Variants in TENM3 observed in about 807,000 individuals in gnomAD.
TENM3 encodes teneurin transmembrane protein 3.
A neutral mutation model predicts 255.1 loss-of-function variants in TENM3; 63 were observed. The ratio of observed to expected loss-of-function variants is 0.25; its 90% CI spans 0.20 to 0.30. The LOEUF (loss-of-function observed/expected upper bound fraction) is 0.30. TENM3 is among the 10% of genes least tolerant of loss of function. The probability of loss-of-function intolerance (pLI) is 1.00; values close to 1 mark genes in which losing one functional copy is unlikely to be tolerated. For synonymous variants in TENM3, 1,306 were observed against 1,322.3 expected (o/e 0.99, Z 0.27); for missense variants, 2,929 against 3,461.1 (o/e 0.85, Z 3.86).
Position 182,459,087 on chromosome 4 carries a change from T to G in TENM3, c.511+112158T>G, listed in dbSNP as rs573689631. On this transcript the variant is annotated intron_variant, in intron 3 of 27. Coordinates refer to ENST00000511685, the MANE Select transcript of TENM3 (RefSeq NM_001080477.4). ...CTTGTTATTATAGGCATTCCTCATTTTGATGAAATACCAATTTAACTAGTT... is the reference window on the plus strand; with the variant it reads ...CTTGTTATTATAGGCATTCCTCATTGTGATGAAATACCAATTTAACTAGTT... 3.3e-5 allele frequency among the ~76,000 whole-genome samples: 5 copies of G among 152,352 alleles called. No individual in the cohort carries two copies. The South Asian group carries it at 1.0e-3, about 32-fold the overall frequency.
the TENM3 span, among the ~76,000 whole-genome samples, chr4:181,510,223 T>C: frequency 6.6e-6 from 1 of 152,366 alleles, no homozygotes; most frequent in South Asian, 2.1e-4. Context: ...GAAAATATTT[T>C]TGAATTATTT....
At chr4:182,308,763 G>A (rs964805837) in intron 1 of TENM3, among the ~76,000 whole-genome samples, 6 of 152,092 alleles carry the variant, frequency 3.9e-5, no homozygotes, top group Non-Finnish European at 7.4e-5. Context: ...CATAATATTT[G>A]AGTGTATTGT....
the TENM3 span, among the ~76,000 whole-genome samples, chr4:181,558,204 A>G: frequency 6.6e-6 from 1 of 152,222 alleles, no homozygotes; most frequent in Admixed American, 6.5e-5. Flanking sequence ...GCCTCAGACA[A>G]GAGTCTCACT....
the TENM3 span, among the ~76,000 whole-genome samples, chr4:181,822,163 C>A: frequency 6.6e-6 from 1 of 152,030 alleles, no homozygotes; most frequent in East Asian, 1.9e-4. Context: ...TCCCTCACAC[C>A]CCCCCACTTC....
chr4:181,735,679 G>C, the TENM3 span, among the ~76,000 whole-genome samples: 1 of 151,800 alleles, frequency 6.6e-6, no homozygotes, highest in Non-Finnish European at 1.5e-5. Flanking sequence ...TAAATAAATA[G>C]ATTTTACACA....
chr4:182,608,716 A>G (rs1024915115), intron 4 of TENM3, among the ~76,000 whole-genome samples: 14 of 152,184 alleles, frequency 9.2e-5, no homozygotes, highest in African/African-American at 3.4e-4. Flanking sequence ...GGTCAGGGCT[A>G]GGACCCAGCA....
At chr4:182,077,144 T>C in the TENM3 span, among the ~76,000 whole-genome samples, 2 of 152,188 alleles carry the variant, frequency 1.3e-5, no homozygotes, top group South Asian at 2.1e-4. Context: ...ATTCACTTCA[T>C]GCTGCTGTGA....
the TENM3 span, among the ~76,000 whole-genome samples, chr4:181,541,396 T>A: frequency 6.6e-6 from 1 of 151,650 alleles, no homozygotes; most frequent in African/African-American, 2.4e-5. Flanking sequence ...TAAAAAAAAT[T>A]AAAAAGTTCA....
intron 6 of TENM3, among the ~76,000 whole-genome samples, chr4:182,665,023 CAG>C (rs1754545063): frequency 6.6e-6 from 1 of 152,196 alleles, no homozygotes; most frequent in Non-Finnish European, 1.5e-5. Context: ...CTACACTAAA[CAG>C]ATTTTCAATG....
At chr4:181,681,857 C>T in the TENM3 span, among the ~76,000 whole-genome samples, 1 of 151,892 alleles carries the variant, frequency 6.6e-6, no homozygotes, top group Non-Finnish European at 1.5e-5. Context: ...TGTGATGAAA[C>T]TCTATACCTT....
intron 3 of TENM3, among the ~76,000 whole-genome samples, chr4:182,561,145 GA>G (rs1414607136): frequency 1.3e-5 from 2 of 151,710 alleles, no homozygotes; most frequent in Admixed American, 6.6e-5. Flanking sequence ...ATTAATAATT[GA>G]AAAAAAGACA....
At chr4:181,611,479 C>A in the TENM3 span, among the ~76,000 whole-genome samples, 3 of 152,114 alleles carry the variant, frequency 2.0e-5, no homozygotes, top group African/African-American at 7.2e-5. Flanking sequence ...ACATGATACC[C>A]AGGCCACTTT....
chr4:182,242,259 C>G (rs1757330043), upstream of TENM3, among the ~76,000 whole-genome samples: 1 of 151,982 alleles, frequency 6.6e-6, no homozygotes, highest in Non-Finnish European at 1.5e-5. Context: ...CTTCCTGTGT[C>G]CAAGTGTTCT....
the TENM3 span, among the ~76,000 whole-genome samples, chr4:182,047,726 T>C: frequency 3.5e-4 from 53 of 152,122 alleles, no homozygotes; most frequent in Admixed American, 8.5e-4. Context: ...TGACCTTGGC[T>C]CTTGGGTTTC....
At chr4:181,605,572 G>GAGAA in the TENM3 span, among the ~76,000 whole-genome samples, 1 of 20,024 alleles carries the variant, frequency 5.0e-5, no homozygotes, top group Non-Finnish European at 1.3e-4. Context: ...GAAAGAAAGA[G>GAGAA]AGAGAAAGAA....
At chr4:181,944,560 A>G in the TENM3 span, among the ~76,000 whole-genome samples, 1 of 152,120 alleles carries the variant, frequency 6.6e-6, no homozygotes, top group Non-Finnish European at 1.5e-5. Flanking sequence ...TCAAGTTAAG[A>G]CATAAAATTA....
At chr4:182,107,324 G>A in the TENM3 span, among the ~76,000 whole-genome samples, 2 of 152,104 alleles carry the variant, frequency 1.3e-5, no homozygotes, top group African/African-American at 2.4e-5. Flanking sequence ...TAATTGCACC[G>A]CAGCTGAAGG....
At chr4:182,489,842 C>T (rs933524532) in intron 3 of TENM3, among the ~76,000 whole-genome samples, 10 of 79,352 alleles carry the variant, frequency 1.3e-4, no homozygotes, top group African/African-American at 5.3e-4. Context: ...TTTCTTCCTC[C>T]CTCCTTCCTT....
intron 2 of TENM3, among the ~76,000 whole-genome samples, chr4:182,325,513 G>A (rs1348178905): frequency 6.6e-6 from 1 of 152,176 alleles, no homozygotes; most frequent in Non-Finnish European, 1.5e-5. Context: ...GTTTTTCAGG[G>A]GAGATACAAA....
Sources: allele counts gnomAD v4.1 joint callset (sites outside exome capture counted in the v4.1 genomes callset), GRCh38; gene constraint gnomAD v4.1.1; transcripts MANE v1.5; gene names NCBI Gene and HGNC (gene_info 2026-07-23, HGNC 2026-07-21).